Variants in TRIM3 observed in about 807,000 individuals in gnomAD.
TRIM3 encodes the protein tripartite motif-containing protein 3.
Under a neutral mutation model 66.6 loss-of-function variants are expected in TRIM3, and 13 were observed. The ratio of observed to expected loss-of-function variants is 0.20; its 90% CI spans 0.13 to 0.31. The LOEUF is 0.31. TRIM3 is among the 10% of genes least tolerant of loss of function. TRIM3 has a pLI of 1.00. For synonymous variants in TRIM3, 406 were observed against 411.7 expected (o/e 0.99, Z 0.17); for missense variants, 711 against 1,020.4 (o/e 0.70, Z 4.13).
chr11:6,472,808 T>C (rs1850742072), intron 1 of TRIM3, among the ~76,000 whole-genome samples: 1 of 152,188 alleles, frequency 6.6e-6, no homozygotes, highest in South Asian at 2.1e-4. Context: ...TAGCAAGTGC[T>C]CTGTCACTGG....
At chr11:6,464,439 A>G (rs2344827) in intron 2 of TRIM3, among the ~76,000 whole-genome samples, 29,390 of 152,174 alleles carry the variant, frequency 0.19, 3,131 homozygotes, top group African/African-American at 0.27. Flanking sequence ...TCTCCAAACT[A>G]TAACAGATTC....
chr11:6,450,548 G>A lies in TRIM3; in HGVS notation c.1941+3C>T. On this transcript the variant is annotated splice_donor_region_variant and intron_variant, in intron 10 of 11. Coordinates refer to ENST00000345851, the MANE Select transcript of TRIM3 (RefSeq NM_033278.4). This position sits in a 1 kb window ranked among gnomAD's most constrained non-coding sequence, Gnocchi z 4.8. ...TGGTCACGGAGGGAGGGAAGACACT[G>A]ACCTTCACTGAATGGTTATGGAAGT... The A allele has an allele frequency of 6.2e-7, 1 of 1,613,900 alleles. No individual in the cohort carries two copies. The highest frequency in any genetic ancestry group is 1.1e-5 in the South Asian group (1 of 91,082).
chr11:6,456,867 G>A lies in TRIM3; in HGVS notation c.859C>T (p.Pro287Ser). The change falls in exon 6 of 12, where the codon CCG becomes TCG. Residue 287 changes from proline (P) to serine (S), a missense_variant. Physicochemically the swap from Pro to Ser is moderately conservative, Grantham distance 74 (BLOSUM62 -1). Transcript: ENST00000345851. The surrounding 1 kb of genome is among the most constrained non-coding windows in gnomAD (Gnocchi z 6.4). ...TGTGCATTCTCATGTGGCCGCTCCGGGAAGGCCTGTGCCGCCAATGCAGCC... is the reference window on the plus strand; with the variant it reads ...TGTGCATTCTCATGTGGCCGCTCCGAGAAGGCCTGTGCCGCCAATGCAGCC... ...RLAALAAQAF[P>S]ERPHENAQLE... 4 of 1,612,670 alleles carry A rather than the reference G, an allele frequency of 2.5e-6. No homozygotes were observed. The highest frequency in any genetic ancestry group is 3.4e-6 in the Non-Finnish European group (4 of 1,179,962).
At chr11:6,463,650 T>C (rs935446303) in intron 2 of TRIM3, among the ~76,000 whole-genome samples, 1 of 152,206 alleles carries the variant, frequency 6.6e-6, no homozygotes, top group Non-Finnish European at 1.5e-5. Context: ...AGGGGCTAGA[T>C]ATCTATATTG....
chr11:6,468,289 G>A (rs2134226280), intron 1 of TRIM3, among the ~76,000 whole-genome samples: 1 of 152,330 alleles, frequency 6.6e-6, no homozygotes, highest in East Asian at 1.9e-4. Flanking sequence ...TTCTATGTAT[G>A]CTAAGTACAA....
At position 6,456,514 on chromosome 11, in the gene TRIM3, G is replaced by A. The variant is rs1328115039; in HGVS notation, c.1212C>T (p.Leu404=). ...GGCTGCCGCGCACTGGCTGTCCGTA[G>A]AGCAGCACCGAGAGGAGCAGCTCGC... is the stretch of plus-strand genomic sequence containing the variant. ...TEGELLLSVL[L]YGQPVRGSPF... is the part of the protein sequence containing the mutation. Residue 404 remains leucine, a synonymous_variant, in exon 6 of 12, where the codon CTC becomes CTT. Transcript: ENST00000345851. The surrounding 1 kb of genome is among the most constrained non-coding windows in gnomAD (Gnocchi z 6.4). 1.3e-6 allele frequency: 2 copies of A among 1,586,334 alleles called. No individual in the cohort carries two copies. The highest frequency in any genetic ancestry group is 1.1e-5 in the South Asian group (1 of 89,258).
chr11:6,448,962 C>G lies in TRIM3; in HGVS notation c.*66G>C. The G allele has an allele frequency of 6.3e-7, 1 of 1,593,304 alleles. No homozygotes were observed. The highest frequency in any genetic ancestry group is 8.6e-7 in the Non-Finnish European group (1 of 1,164,032). On this transcript the variant is annotated 3_prime_UTR_variant, in exon 12 of 12. Coordinates refer to ENST00000345851, the MANE Select transcript of TRIM3 (RefSeq NM_033278.4). ...CTGCCAGGTCTGGCCCACCTCCCAG[C>G]CAGACCCTCTTGTCCAATCACCCCA...
chr11:6,470,746 A>G (rs1850655747), intron 1 of TRIM3, among the ~76,000 whole-genome samples: 1 of 152,208 alleles, frequency 6.6e-6, no homozygotes, highest in African/African-American at 2.4e-5. Context: ...GGATGACATT[A>G]CCCTGAGAGG....
intron 7 of TRIM3, 88 bp from the exon 8 acceptor site, chr11:6,451,526 A>T: frequency 7.2e-7 from 1 of 1,392,890 alleles, no homozygotes. Flanking sequence ...GAGGGAGGAG[A>T]CCCCCCCACC....
intron 2 of TRIM3, among the ~76,000 whole-genome samples, chr11:6,460,232 C>A (rs990399495): frequency 2.6e-5 from 4 of 152,084 alleles, no homozygotes; most frequent in African/African-American, 9.7e-5. Flanking sequence ...CTGAATTTGG[C>A]AAATGTGAGG....
chr11:6,458,257 T>G lies in TRIM3; in HGVS notation c.171A>C (p.Leu57=). Reference sequence around the variant, plus strand: ...ACGTCTGCCGGCATACTGGACAGGATAGCGTCAGGCTCTGGGCAGGGATAT... The same window carrying G: ...ACGTCTGCCGGCATACTGGACAGGAGAGCGTCAGGCTCTGGGCAGGGATAT... The part of the protein sequence containing the change: ...QNYIPAQSLT[L]SCPVCRQTSI... The change falls in exon 3 of 12, where the codon CTA becomes CTC. Residue 57 remains leucine (L), a synonymous_variant. Coordinates refer to ENST00000345851, the MANE Select transcript of TRIM3 (RefSeq NM_033278.4). The surrounding 1 kb of genome is among the most constrained non-coding windows in gnomAD (Gnocchi z 6.2). 2 of 1,614,142 alleles carry G rather than the reference T, an allele frequency of 1.2e-6. No homozygotes were observed. The highest frequency in any genetic ancestry group is 2.2e-5 in the East Asian group (1 of 44,884).
At chr11:6,451,207 G>C (rs1849703173) in intron 8 of TRIM3, 64 bp downstream of exon 8, 6 of 1,598,274 alleles carry the variant, frequency 3.8e-6, no homozygotes, top group Middle Eastern at 1.7e-4. Context: ...TGACCACCAA[G>C]AGGCACTAGA....
At position 6,465,740 on chromosome 11, in the gene TRIM3, G is replaced by C; in HGVS notation, c.-37-8C>G. ...CGCCACTCACACCAGCCTCTGTATG[G>C]AGAGATGGTCAGCACCAGGGAGTCC... is the stretch of plus-strand genomic sequence containing the variant. On this transcript the variant is annotated splice_region_variant and splice_polypyrimidine_tract_variant and intron_variant, in intron 1 of 11. Coordinates refer to ENST00000345851, the MANE Select transcript of TRIM3 (RefSeq NM_033278.4). 1 of 1,611,920 alleles carries C rather than the reference G, an allele frequency of 6.2e-7. No homozygotes were observed. Among genetic ancestry groups the C allele is most frequent in the South Asian group, 1.1e-5 (1 of 90,964 alleles).
intron 1 of TRIM3, among the ~76,000 whole-genome samples, chr11:6,470,062 G>A (rs766132326): frequency 6.6e-5 from 10 of 152,282 alleles, no homozygotes; most frequent in Non-Finnish European, 1.0e-4. Context: ...ACCTGCTAGG[G>A]GATGAAGGAT....
intron 1 of TRIM3, among the ~76,000 whole-genome samples, chr11:6,472,610 C>T (rs970215912): frequency 1.3e-5 from 2 of 152,216 alleles, no homozygotes; most frequent in African/African-American, 4.8e-5. Flanking sequence ...TCCTAAGTGG[C>T]TGTGGCAGTA....
chr11:6,456,864 C>G lies in TRIM3; in HGVS notation c.862G>C (p.Glu288Gln). 6.2e-7 allele frequency: 1 copy of G among 1,612,708 alleles called. No homozygotes were observed. The highest frequency in any genetic ancestry group is 8.5e-7 in the Non-Finnish European group (1 of 1,179,960). Residue 288 changes from glutamate to glutamine, a missense_variant, in exon 6 of 12, where the codon GAG becomes CAG. Glu to Gln is a conservative substitution (Grantham distance 29, BLOSUM62 2). Transcript: ENST00000345851. The surrounding 1 kb of genome is among the most constrained non-coding windows in gnomAD (Gnocchi z 6.4). ...AGCTGTGCATTCTCATGTGGCCGCTCCGGGAAGGCCTGTGCCGCCAATGCA... is the reference window on the plus strand; with the variant it reads ...AGCTGTGCATTCTCATGTGGCCGCTGCGGGAAGGCCTGTGCCGCCAATGCA... ...LAALAAQAFP[E>Q]RPHENAQLEL...
rs369781461 is a variant in TRIM3 at position 6,456,063 on chromosome 11, G to A, written c.1533+9C>T. On this transcript the variant is annotated intron_variant, in intron 7 of 11. Coordinates refer to ENST00000345851, the MANE Select transcript of TRIM3 (RefSeq NM_033278.4). The surrounding 1 kb of genome is among the most constrained non-coding windows in gnomAD (Gnocchi z 6.4). ...TTTGGTGGTGGAGGAGAGCGGTAAA[G>A]GTGCTTACCTGAATACACTGGTTGT... 5.0e-6 allele frequency: 8 copies of A among 1,613,470 alleles called. No individual in the cohort carries two copies. The African/African-American group carries it at 5.3e-5, about 11-fold the overall frequency.
chr11:6,458,407 T>A lies in TRIM3; in HGVS notation c.132-111A>T. On this transcript the variant is annotated intron_variant, in intron 2 of 11. Coordinates refer to ENST00000345851, the MANE Select transcript of TRIM3 (RefSeq NM_033278.4). This position sits in a 1 kb window ranked among gnomAD's most constrained non-coding sequence, Gnocchi z 6.2. ...TTCCCTCACAGGTGTGCCATTACAC[T>A]TCATTTTAAAACCTCTCTGCTTGAC... 1 of 867,126 alleles carries A rather than the reference T, an allele frequency of 1.2e-6. No individual in the cohort carries two copies. The highest frequency in any genetic ancestry group is 1.8e-6 in the Non-Finnish European group (1 of 558,052). The allele number at this position is 867,126 out of a possible 1,614,324, so 53.7% of individuals were successfully genotyped here.
At position 6,473,922 on chromosome 11, in the gene TRIM3, C is replaced by G. The variant is rs1850818707; in HGVS notation, c.-169G>C. The G allele has an allele frequency of 6.6e-6, 1 of 152,086 alleles. No individual in the cohort carries two copies. 9.4% of individuals were successfully genotyped at this position (152,086 alleles called of 1,614,324 possible). ...TCCGCCTGTCCCCGCGCCGGCGCCG[C>G]CGCCGGACTAGCCGCACAGGCCGGA... On this transcript the variant is annotated 5_prime_UTR_variant, in exon 1 of 12. Transcript: ENST00000345851.
Sources: gnomAD v4.1 joint callset for allele counts (sites outside exome capture counted in the v4.1 genomes callset) on GRCh38, gnomAD v4.1.1 for gene constraint, Gnocchi (gnomAD v3.1) non-coding constraint, MANE v1.5 for transcripts, NCBI Gene and HGNC (gene_info 2026-07-23, HGNC 2026-07-21) for gene names.